Variants in SCGB2B2 observed in about 807,000 individuals in gnomAD.
SCGB2B2 encodes secretoglobin-like protein.
SCGB2B2 carries 11 observed loss-of-function variants against 7.6 expected under a neutral mutation model. The ratio of observed to expected loss-of-function variants is 1.45; its 90% CI spans 0.91 to 2.40. SCGB2B2 has a LOEUF of 2.40. Ranked by LOEUF, SCGB2B2 falls within the 30% of genes most tolerant of loss-of-function variation. The pLI is 0.00. For synonymous variants in SCGB2B2, 50 were observed against 48.6 expected (o/e 1.03, Z -0.12); for missense variants, 104 against 115.4 (o/e 0.90, Z 0.45).
At chr19:34,608,672 TA>T in intron 1 of SCGB2B2, 1 of 58,830 alleles carries the variant, frequency 1.7e-5, no homozygotes, top group East Asian at 3.9e-4. Context: ...TATATATATA[TA>T]TATATATATA....
At chr19:34,644,362 G>GTTTTTTTTTTTTT (rs75799133) in intron 1 of SCGB2B2, among the ~76,000 whole-genome samples, 6 of 134,324 alleles carry the variant, frequency 4.5e-5, no homozygotes, top group Non-Finnish European at 3.1e-5. Context: ...TTTTTTTTTT[G>GTTTTTTTTTTTTT]TTTTTTTTTT....
At chr19:34,629,918 T>C (rs1048089887) in intron 1 of SCGB2B2, among the ~76,000 whole-genome samples, 6 of 151,918 alleles carry the variant, frequency 3.9e-5, no homozygotes, top group African/African-American at 1.4e-4. Context: ...AACAGAGATA[T>C]AGACCAATGG....
At chr19:34,605,480 C>G (rs573403662) in intron 1 of SCGB2B2, among the ~76,000 whole-genome samples, 1 of 152,216 alleles carries the variant, frequency 6.6e-6, no homozygotes, top group Admixed American at 6.5e-5. Context: ...TTTTCCAGAA[C>G]TGCTTATCAA....
At chr19:34,644,476 A>G (rs1376375123) in intron 1 of SCGB2B2, among the ~76,000 whole-genome samples, 2 of 151,236 alleles carry the variant, frequency 1.3e-5, no homozygotes, top group African/African-American at 4.9e-5. Context: ...CACCATCACC[A>G]CTATCGATGT....
At chr19:34,626,354 C>A (rs1027939664) in intron 1 of SCGB2B2, among the ~76,000 whole-genome samples, 6 of 151,936 alleles carry the variant, frequency 3.9e-5, no homozygotes, top group Admixed American at 2.0e-4. Context: ...TAGTTAAAAA[C>A]CTTGAAAAAA....
chr19:34,644,561 C>G (rs1483235883), intron 1 of SCGB2B2, among the ~76,000 whole-genome samples: 1 of 152,096 alleles, frequency 6.6e-6, no homozygotes, highest in African/African-American at 2.4e-5. Flanking sequence ...TGCCCTGCCC[C>G]CTTGTAACCT....
At chr19:34,629,815 A>G (rs1281513766) in intron 1 of SCGB2B2, among the ~76,000 whole-genome samples, 1 of 152,014 alleles carries the variant, frequency 6.6e-6, no homozygotes, top group Non-Finnish European at 1.5e-5. Context: ...AGTCAATCCT[A>G]AGCCAAAAGA....
chr19:34,665,146 C>T lies in SCGB2B2; in HGVS notation c.-2032+10484G>A, dbSNP rs1211611882. ...TGCTGTCCTCCCTCTGAAATGGTGG[C>T]CATGAGAGTGCAGGCCTTGCGTCCC... On this transcript the variant is annotated intron_variant, in intron 1 of 3. Transcript: ENST00000601241. 3.3e-5 allele frequency among the ~76,000 whole-genome samples: 5 copies of T among 152,188 alleles called. No individual in the cohort carries two copies. In the East Asian group the frequency reaches 9.7e-4, roughly 29 times the overall value.
intron 1 of SCGB2B2, among the ~76,000 whole-genome samples, chr19:34,607,657 G>A (rs1426104011): frequency 1.3e-5 from 2 of 152,212 alleles, no homozygotes; most frequent in African/African-American, 4.8e-5. Context: ...TGTGTGTAAG[G>A]TGGTATGTTG....
chr19:34,615,423 A>G (rs1474173158), intron 1 of SCGB2B2, among the ~76,000 whole-genome samples: 1 of 147,214 alleles, frequency 6.8e-6, no homozygotes, highest in Non-Finnish European at 1.5e-5. Flanking sequence ...AGGGGATGGG[A>G]CAGTGGAGGT....
intron 1 of SCGB2B2, among the ~76,000 whole-genome samples, chr19:34,656,964 A>C (rs1284308077): frequency 6.6e-6 from 1 of 151,346 alleles, no homozygotes; most frequent in Non-Finnish European, 1.5e-5. Context: ...GGAATAAAGC[A>C]AGACAAGTAA....
At chr19:34,658,164 C>T (rs1460617936) in intron 1 of SCGB2B2, among the ~76,000 whole-genome samples, 3 of 152,050 alleles carry the variant, frequency 2.0e-5, no homozygotes, top group African/African-American at 7.2e-5. Flanking sequence ...AAAATCGACA[C>T]CCTAACATCA....
chr19:34,646,288 C>A (rs1210930296), intron 1 of SCGB2B2: 1 of 155,496 alleles, frequency 6.4e-6, no homozygotes, highest in Non-Finnish European at 1.4e-5. Flanking sequence ...GGGAGAACCT[C>A]TGCCCCTGGT....
intron 1 of SCGB2B2, among the ~76,000 whole-genome samples, chr19:34,614,556 C>T (rs116981558): frequency 0.017 from 2,589 of 152,072 alleles, 34 homozygotes; most frequent in Non-Finnish European, 0.024. Context: ...TTTATCTTGT[C>T]GAGTTTCCTT....
In SCGB2B2 at chr19:34,592,612, G is replaced by A. The variant is rs1313279344; in HGVS notation, c.*943C>T. 6.6e-6 allele frequency among the ~76,000 whole-genome samples: 1 copy of A among 152,176 alleles called. No individual in the cohort carries two copies. The highest frequency in any genetic ancestry group is 1.5e-5 in the Non-Finnish European group (1 of 68,028). Reference sequence around the variant, plus strand: ...TGGGGAGGGACCTCCCCCAGAAGGAGTTGATGGAGCCTCATCAGTGTATTG... The same window carrying A: ...TGGGGAGGGACCTCCCCCAGAAGGAATTGATGGAGCCTCATCAGTGTATTG... On this transcript the variant is annotated 3_prime_UTR_variant, in exon 4 of 4. Transcript: ENST00000601241.
chr19:34,653,007 A>G (rs2067199143), intron 1 of SCGB2B2, among the ~76,000 whole-genome samples: 2 of 151,392 alleles, frequency 1.3e-5, no homozygotes, highest in Non-Finnish European at 2.9e-5. Context: ...TACATACACA[A>G]TGAAATAGGA....
Position 34,592,857 on chromosome 19 carries a change from T to C in SCGB2B2, c.*698A>G, listed in dbSNP as rs1186284291. On this transcript the variant is annotated 3_prime_UTR_variant, in exon 4 of 4. Coordinates refer to ENST00000601241, the MANE Select transcript of SCGB2B2 (RefSeq NM_001025591.4). The stretch of plus-strand genomic sequence containing the variant: ...CAGGTATTTATGGGGACGCTGAGGC[T>C]TGTGACTTAGCCAGGAGGGTGTGAT... Among the ~76,000 whole-genome samples the C allele has an allele frequency of 6.6e-6, 1 of 152,122 alleles. No individual in the cohort carries two copies. The highest frequency in any genetic ancestry group is 1.5e-5 in the Non-Finnish European group (1 of 68,028).
chr19:34,594,391 A>AGGAGGTCAGAATT, intron 2 of SCGB2B2, 32 bp from the exon 3 acceptor site: 1 of 1,607,826 alleles, frequency 6.2e-7, no homozygotes. Context: ...AAGAAAACAG[A>AGGAGGTCAGAATT]GGAGGTCAGA....
chr19:34,641,744 A>G (rs1036949059), intron 1 of SCGB2B2, among the ~76,000 whole-genome samples: 3 of 152,184 alleles, frequency 2.0e-5, no homozygotes, highest in African/African-American at 7.2e-5. Flanking sequence ...AGCTGCAGAA[A>G]GTCAAGTTCC....
Sources: gnomAD v4.1 joint callset for allele counts (sites outside exome capture counted in the v4.1 genomes callset) on GRCh38, gnomAD v4.1.1 for gene constraint, MANE v1.5 for transcripts, NCBI Gene and HGNC (gene_info 2026-07-23, HGNC 2026-07-21) for gene names.